The following LRRC37A2 variants were observed in gnomAD, a reference collection of about 807,000 sequenced individuals.
The protein encoded by LRRC37A2 is leucine-rich repeat-containing protein 37A2.
A neutral mutation model predicts 68.8 loss-of-function variants in LRRC37A2; 9 were observed. That is an observed-to-expected ratio of 0.13 (90% CI 0.08 to 0.23). LRRC37A2 has a LOEUF of 0.23. Among genes scored for constraint, LRRC37A2 ranks in the 10% least tolerant of loss-of-function variants. The probability of loss-of-function intolerance (pLI) is 1.00; values close to 1 mark genes in which losing one functional copy is unlikely to be tolerated. For synonymous variants in LRRC37A2, 63 were observed against 367.6 expected, an observed-to-expected ratio of 0.17 and a Z score of 9.48; for missense variants, 168 against 950.4, an observed-to-expected ratio of 0.18 and a Z score of 10.82.
chr17:46,796,989 C>T, the LRRC37A2 span, among the ~76,000 whole-genome samples: 1 of 152,178 alleles, frequency 6.6e-6, no homozygotes, highest in Non-Finnish European at 1.5e-5. Context: ...GGAGAATCTT[C>T]TCGATCCCAT....
At chr17:46,724,009 T>G in the LRRC37A2 span, among the ~76,000 whole-genome samples, 1 of 152,208 alleles carries the variant, frequency 6.6e-6, no homozygotes, top group South Asian at 2.1e-4. Context: ...CTAATTCATC[T>G]CACCTACCAC....
the LRRC37A2 span, chr17:46,923,573 C>T: frequency 7.7e-7 from 1 of 1,306,686 alleles, no homozygotes; most frequent in Non-Finnish European, 9.7e-7. Flanking sequence ...CGAGAGGAGA[C>T]ACGGAGTAGG....
the LRRC37A2 span, among the ~76,000 whole-genome samples, chr17:46,568,771 C>T: frequency 8.1e-5 from 7 of 86,536 alleles, no homozygotes; most frequent in Admixed American, 1.4e-4. Context: ...TGCCACTGCA[C>T]GAGACCCTGT....
At chr17:46,712,192 G>C in the LRRC37A2 span, among the ~76,000 whole-genome samples, 1 of 151,204 alleles carries the variant, frequency 6.6e-6, no homozygotes, top group African/African-American at 2.4e-5. Flanking sequence ...GAGATAAGTA[G>C]ACTAATTAGA....
chr17:46,748,712 C>T, the LRRC37A2 span, among the ~76,000 whole-genome samples: 3 of 152,218 alleles, frequency 2.0e-5, no homozygotes, highest in Non-Finnish European at 1.5e-5. Context: ...AGGGGAATTT[C>T]TTCAAGAACA....
At chr17:46,392,429 C>CT in the LRRC37A2 span, among the ~76,000 whole-genome samples, 1 of 27,044 alleles carries the variant, frequency 3.7e-5, no homozygotes, top group African/African-American at 8.1e-5. Context: ...CTCTTTCTTT[C>CT]TCTCTTTCTT....
chr17:46,903,281 CA>C, the LRRC37A2 span, among the ~76,000 whole-genome samples: 88,371 of 144,924 alleles, frequency 0.61, 26,908 homozygotes, highest in Non-Finnish European at 0.68. Context: ...GACTCTGTCT[CA>C]AAAAAAAAAA....
the LRRC37A2 span, among the ~76,000 whole-genome samples, chr17:46,773,321 C>G: frequency 2.0e-5 from 3 of 152,090 alleles, no homozygotes; most frequent in African/African-American, 7.2e-5. Flanking sequence ...TGGCAATGCT[C>G]TCACCCCCAC....
the LRRC37A2 span, among the ~76,000 whole-genome samples, chr17:46,389,987 AAC>A: frequency 6.6e-6 from 1 of 150,984 alleles, no homozygotes. Context: ...AGGCTGCCAT[AAC>A]ACAATACTAT....
chr17:46,747,447 ATT>A, the LRRC37A2 span, among the ~76,000 whole-genome samples: 1 of 151,922 alleles, frequency 6.6e-6, no homozygotes, highest in Non-Finnish European at 1.5e-5. Flanking sequence ...CACCCGGCTA[ATT>A]TTGGTATTTT....
chr17:46,920,741 G>A, the LRRC37A2 span, among the ~76,000 whole-genome samples: 4,527 of 152,198 alleles, frequency 0.03, 214 homozygotes, highest in African/African-American at 0.11. Flanking sequence ...TAGAATGTTT[G>A]TCTTGATAAA....
At chr17:46,710,829 T>C in the LRRC37A2 span, 1 of 747,608 alleles carries the variant, frequency 1.3e-6, no homozygotes, top group Non-Finnish European at 2.0e-6. Flanking sequence ...CAAGTTGTTT[T>C]GCTTTCCAGG....
chr17:46,803,788 C>T, the LRRC37A2 span, among the ~76,000 whole-genome samples: 1 of 152,186 alleles, frequency 6.6e-6, no homozygotes, highest in Non-Finnish European at 1.5e-5. Flanking sequence ...GTGTGGCCTG[C>T]CCTGGCAGAA....
chr17:46,492,677 G>T, the LRRC37A2 span, among the ~76,000 whole-genome samples: 42 of 146,848 alleles, frequency 2.9e-4, no homozygotes, highest in East Asian at 5.4e-3. Context: ...GATATTTTCA[G>T]GGTTTTGTTT....
At chr17:46,709,791 G>A in the LRRC37A2 span, among the ~76,000 whole-genome samples, 2 of 152,040 alleles carry the variant, frequency 1.3e-5, no homozygotes, top group African/African-American at 2.4e-5. Flanking sequence ...CACTGCGCCC[G>A]GCCATGAAAA....
chr17:46,923,434 C>T, the LRRC37A2 span: 1 of 1,433,310 alleles, frequency 7.0e-7, no homozygotes, highest in Non-Finnish European at 9.1e-7. Flanking sequence ...AGACGTGGGG[C>T]AGATGACTCC....
the LRRC37A2 span, among the ~76,000 whole-genome samples, chr17:46,472,787 C>T: frequency 5.4e-5 from 1 of 18,406 alleles, no homozygotes; most frequent in Admixed American, 5.6e-4. Context: ...TGGTGGTGGG[C>T]GCCTGTAGTC....
chr17:46,529,427 G>A (rs1380721403), intron 6 of LRRC37A2, among the ~76,000 whole-genome samples: 1 of 107,982 alleles, frequency 9.3e-6, no homozygotes, highest in Non-Finnish European at 2.1e-5. Flanking sequence ...CCAAAAAGGC[G>A]ATGGACTGGG....
the LRRC37A2 span, among the ~76,000 whole-genome samples, chr17:46,679,981 CTA>C: frequency 7.0e-6 from 1 of 143,244 alleles, no homozygotes; most frequent in Non-Finnish European, 1.5e-5. Context: ...GGAGAAAATT[CTA>C]AACATTTTTG....
Sources: gnomAD v4.1 joint callset for allele counts (sites outside exome capture counted in the v4.1 genomes callset) on GRCh38, gnomAD v4.1.1 for gene constraint, MANE v1.5 for transcripts, NCBI Gene and HGNC (gene_info 2026-07-23, HGNC 2026-07-21) for gene names.